Variants in ITGA8 observed in about 807,000 individuals in gnomAD.
The protein encoded by ITGA8 is integrin subunit alpha 8, also known as integrin alpha-8.
Under a neutral mutation model 142.3 loss-of-function variants are expected in ITGA8, and 91 were observed. That is an observed-to-expected ratio of 0.64 (90% CI 0.54 to 0.76). The LOEUF is 0.76. Ranked by LOEUF, ITGA8 falls within the 30% of genes least tolerant of loss-of-function variation. ITGA8 has a pLI of 0.00. For missense variants in ITGA8, 1,406 were observed against 1,327.7 expected, an observed-to-expected ratio of 1.06 and a Z score of -0.92; for synonymous variants, 505 against 485.2, an observed-to-expected ratio of 1.04 and a Z score of -0.54.
Position 15,641,425 on chromosome 10 carries a change from G to A in ITGA8, c.1399+2605C>T, listed in dbSNP as rs541027747. ...CAATCAACTGTAATAAGAGAATCTA[G>A]TCGCCTGCCTCTAAGGCAGTTTCTT... On this transcript the variant is annotated intron_variant, in intron 13 of 29. Coordinates refer to ENST00000378076, the MANE Select transcript of ITGA8 (RefSeq NM_003638.3). Among the ~76,000 whole-genome samples, 4 of 152,302 alleles carry A rather than the reference G, an allele frequency of 2.6e-5. No homozygotes were observed. In the South Asian group the frequency reaches 8.3e-4, roughly 32 times the overall value.
rs9333237 is a variant in ITGA8 at position 15,531,371 on chromosome 10, C to G, written c.2881-220G>C. ...GCATCCATCCATCTAAGCGTCGAAG[C>G]GTGAATCCATCTATCCAAGCATCCA... On this transcript the variant is annotated intron_variant, in intron 27 of 29. Coordinates refer to ENST00000378076, the MANE Select transcript of ITGA8 (RefSeq NM_003638.3). 0.19 allele frequency among the ~76,000 whole-genome samples: 28,597 copies of G among 151,928 alleles called. 2,813 individuals are homozygous for G. Among genetic ancestry groups the G allele is most frequent in the Admixed American group, 0.2 (3,087 of 15,254 alleles).
chr10:15,686,823 A>G (rs992728860), intron 3 of ITGA8, among the ~76,000 whole-genome samples: 1 of 152,200 alleles, frequency 6.6e-6, no homozygotes, highest in African/African-American at 2.4e-5. Flanking sequence ...AACACGGTGT[A>G]TTATTGTAGT....
intron 13 of ITGA8, among the ~76,000 whole-genome samples, chr10:15,636,475 G>A (rs1212143590): frequency 6.6e-6 from 1 of 152,206 alleles, no homozygotes; most frequent in Non-Finnish European, 1.5e-5. Context: ...AACGTATTGG[G>A]TGGTTGAGGT....
intron 13 of ITGA8, among the ~76,000 whole-genome samples, chr10:15,640,715 G>A (rs1833855701): frequency 6.6e-6 from 1 of 152,216 alleles, no homozygotes; most frequent in Non-Finnish European, 1.5e-5. Context: ...AGATAAGCCT[G>A]AGGGCAATCA....
chr10:15,646,822 C>G, intron 12 of ITGA8, 24 bp downstream of exon 12: 1 of 1,590,546 alleles, frequency 6.3e-7, no homozygotes, highest in South Asian at 1.1e-5. Flanking sequence ...ACATAAATGA[C>G]TTCCACGCTT....
intron 15 of ITGA8, among the ~76,000 whole-genome samples, chr10:15,612,653 C>T (rs1833319765): frequency 6.6e-6 from 1 of 152,184 alleles, no homozygotes. Context: ...GTCATATCAG[C>T]CAGCTTCTGA....
At chr10:15,629,242 G>A (rs1020229547) in intron 13 of ITGA8, among the ~76,000 whole-genome samples, 7 of 151,942 alleles carry the variant, frequency 4.6e-5, no homozygotes, top group Non-Finnish European at 8.8e-5. Flanking sequence ...GTTCCTGAAC[G>A]AGATGAAAAG....
intron 13 of ITGA8, among the ~76,000 whole-genome samples, chr10:15,627,239 A>T (rs1415700434): frequency 6.6e-6 from 1 of 152,196 alleles, no homozygotes; most frequent in Non-Finnish European, 1.5e-5. Flanking sequence ...TTCTGATAAG[A>T]TCCTTCTCTT....
In ITGA8 at chr10:15,594,449, C is replaced by G. The variant is rs530468428; in HGVS notation, c.2212-2145G>C. The stretch of plus-strand genomic sequence containing the variant: ...TGTTTTTATCTTTATATTGCCGACT[C>G]TAGCTTAGAACCTGGCATATAGAAG... On this transcript the variant is annotated intron_variant, in intron 21 of 29. Transcript: ENST00000378076. 2.0e-5 allele frequency among the ~76,000 whole-genome samples: 3 copies of G among 152,248 alleles called. No individual in the cohort carries two copies. The East Asian group carries it at 5.8e-4, about 29-fold the overall frequency.
intron 22 of ITGA8, among the ~76,000 whole-genome samples, chr10:15,588,235 A>C (rs12415898): frequency 6.6e-6 from 1 of 152,202 alleles, no homozygotes; most frequent in South Asian, 2.1e-4. Context: ...AATTGTTCCC[A>C]TGATGCTTTT....
intron 26 of ITGA8, among the ~76,000 whole-genome samples, chr10:15,554,974 C>T (rs1290278266): frequency 2.6e-5 from 4 of 152,086 alleles, no homozygotes; most frequent in South Asian, 2.1e-4. Context: ...TATGGATTTC[C>T]GTTCTACAGA....
In ITGA8 at chr10:15,564,915, C is replaced by T. The variant is rs1233280609; in HGVS notation, c.2638-6713G>A. ...GTCCACCATGTAATTTTCTTTAAGA[C>T]ATGAATGTTGAGGATTTGTAGGGAA... On this transcript the variant is annotated intron_variant, in intron 25 of 29. Coordinates refer to ENST00000378076, the MANE Select transcript of ITGA8 (RefSeq NM_003638.3). 2.0e-5 allele frequency among the ~76,000 whole-genome samples: 3 copies of T among 152,230 alleles called. No individual in the cohort carries two copies. The East Asian group carries it at 5.8e-4, about 29-fold the overall frequency.
At chr10:15,529,627 A>G (rs1279318433) in intron 28 of ITGA8, among the ~76,000 whole-genome samples, 2 of 152,196 alleles carry the variant, frequency 1.3e-5, no homozygotes, top group African/African-American at 2.4e-5. Context: ...CTTAGCATGT[A>G]TGTATTTTTA....
intron 25 of ITGA8, 81 bp from the exon 26 acceptor site, chr10:15,558,283 AT>A (rs1043393742): frequency 5.4e-5 from 81 of 1,486,970 alleles, no homozygotes; most frequent in South Asian, 2.0e-4. Flanking sequence ...ACTCTAGGCA[AT>A]TTTTTTTTCT....
chr10:15,534,343 T>C (rs73598726), intron 27 of ITGA8, among the ~76,000 whole-genome samples: 8,371 of 152,306 alleles, frequency 0.055, 742 homozygotes, highest in African/African-American at 0.19. Context: ...GTTCACATTG[T>C]TGTTTAATTT....
chr10:15,660,995 A>G, intron 8 of ITGA8, 73 bp from the exon 9 acceptor site: 7 of 1,322,586 alleles, frequency 5.3e-6, no homozygotes, highest in Non-Finnish European at 7.6e-6. Context: ...GCCATATACT[A>G]AAAGTGGTAA....
rs1297985296 is a variant in ITGA8, at chr10:15,644,216, C to T, written c.1213G>A (p.Ala405Thr). ...TTGCCTGCAAAAGGCACTCCGATGG[C>T]AATGTCTAAAAACAGACATAAAACA... ...DLNQDGYNDI[A>T]IGVPFAGKDQ... is the part of the protein sequence containing the mutation. The change falls in exon 13 of 30, where the codon GCC becomes ACC. Residue 405 changes from alanine (A) to threonine (T), a missense_variant. Ala to Thr is a moderately conservative substitution (Grantham distance 58, BLOSUM62 0). Coordinates refer to ENST00000378076, the MANE Select transcript of ITGA8 (RefSeq NM_003638.3). 6.2e-7 allele frequency: 1 copy of T among 1,612,864 alleles called. No homozygotes were observed. The highest frequency in any genetic ancestry group is 8.5e-7 in the Non-Finnish European group (1 of 1,179,392).
At chr10:15,673,234 C>A (rs1356158446) in intron 6 of ITGA8, among the ~76,000 whole-genome samples, 2 of 152,162 alleles carry the variant, frequency 1.3e-5, no homozygotes, top group East Asian at 3.9e-4. Context: ...CAGGCACCTA[C>A]CACCACGCCT....
chr10:15,575,798 C>T (rs1331933806), intron 23 of ITGA8, among the ~76,000 whole-genome samples: 1 of 152,068 alleles, frequency 6.6e-6, no homozygotes, highest in Admixed American at 6.5e-5. Flanking sequence ...AGTGTAGGCT[C>T]TCCAGCCCAG....
Sources: allele counts gnomAD v4.1 joint callset (sites outside exome capture counted in the v4.1 genomes callset), GRCh38; gene constraint gnomAD v4.1.1; transcripts MANE v1.5; gene names NCBI Gene and HGNC (gene_info 2026-07-23, HGNC 2026-07-21).